The following ATF6 variants were observed in gnomAD, a reference collection of about 807,000 sequenced individuals.
The protein encoded by ATF6 is activating transcription factor 6.
Under a neutral mutation model 83.6 loss-of-function variants are expected in ATF6, and 53 were observed. That is an observed-to-expected ratio of 0.63 (90% confidence interval 0.51 to 0.80). ATF6 has a LOEUF of 0.80. ATF6 is among the 30% of genes least tolerant of loss of function. The pLI is 0.00. For missense variants in ATF6, 744 were observed against 797.9 expected (o/e 0.93, Z 0.81); for synonymous variants, 288 against 285.8 (o/e 1.01, Z -0.08).
intron 11 of ATF6, 109 bp from the exon 12 acceptor site, chr1:161,853,115 G>T: frequency 1.4e-6 from 1 of 740,056 alleles, no homozygotes. Flanking sequence ...CACTTGGAAT[G>T]CTCTTTGGAA....
At chr1:161,874,344 T>G (rs369080629) in intron 14 of ATF6, among the ~76,000 whole-genome samples, 1 of 151,634 alleles carries the variant, frequency 6.6e-6, no homozygotes, top group Non-Finnish European at 1.5e-5. Context: ...TAGTGCTTAT[T>G]TCTTGCATGG....
intron 15 of ATF6, among the ~76,000 whole-genome samples, chr1:161,955,470 G>T (rs1291190515): frequency 2.0e-5 from 3 of 152,148 alleles, no homozygotes; most frequent in African/African-American, 7.2e-5. Context: ...ATAAACAGAT[G>T]CCCAGCCACC....
At chr1:161,922,965 T>A (rs1003806792) in intron 15 of ATF6, among the ~76,000 whole-genome samples, 3 of 152,154 alleles carry the variant, frequency 2.0e-5, no homozygotes, top group Middle Eastern at 3.2e-3. Context: ...GATCACTCTA[T>A]TTTTGCACAT....
chr1:161,860,141 A>C, intron 12 of ATF6, 66 bp from the exon 13 acceptor site: 3 of 1,076,988 alleles, frequency 2.8e-6, no homozygotes, highest in East Asian at 5.1e-5. Context: ...AGAATGAACC[A>C]GTATAGGAAG....
chr1:161,775,389 C>G (rs1268136487), intron 1 of ATF6, among the ~76,000 whole-genome samples: 4 of 152,210 alleles, frequency 2.6e-5, no homozygotes, highest in African/African-American at 4.8e-5. Context: ...CAATCTATAT[C>G]AGTTACCACT....
chr1:161,806,811 T>C (rs919280804), intron 7 of ATF6, among the ~76,000 whole-genome samples: 14 of 152,072 alleles, frequency 9.2e-5, no homozygotes, highest in Non-Finnish European at 1.6e-4. Context: ...GTATTAGAAA[T>C]GGTGCGAAGG....
At chr1:161,818,129 A>C (rs887147696) in intron 7 of ATF6, among the ~76,000 whole-genome samples, 5 of 151,446 alleles carry the variant, frequency 3.3e-5, no homozygotes, top group Admixed American at 6.6e-5. Context: ...GAAATAGATT[A>C]CATTCTTTAA....
At chr1:161,793,864 T>A (rs1185038206) in intron 6 of ATF6, among the ~76,000 whole-genome samples, 1 of 152,022 alleles carries the variant, frequency 6.6e-6, no homozygotes, top group Non-Finnish European at 1.5e-5. Flanking sequence ...ACTATAGTTA[T>A]TTTTTTGTGA....
At chr1:161,840,390 C>T (rs1686326802) in intron 9 of ATF6, 1 of 152,180 alleles carries the variant, frequency 6.6e-6, no homozygotes, top group Non-Finnish European at 1.5e-5. Context: ...TGTGGCTCTC[C>T]AAGCCACAGA....
At chr1:161,854,031 A>C (rs12044770) in intron 12 of ATF6, among the ~76,000 whole-genome samples, 14,737 of 152,264 alleles carry the variant, frequency 0.097, 1,271 homozygotes, top group East Asian at 0.32. Flanking sequence ...ACACAAATAC[A>C]CTGAAAATTA....
At chr1:161,849,633 C>CT (rs975229348) in intron 10 of ATF6, among the ~76,000 whole-genome samples, 5 of 152,062 alleles carry the variant, frequency 3.3e-5, no homozygotes, top group South Asian at 2.1e-4. Flanking sequence ...TTTGTGGGCT[C>CT]TTTTTTTACC....
Position 161,791,554 on chromosome 1 carries a change from T to C in ATF6, c.484+17T>C, listed in dbSNP as rs1157619289. The C allele has an allele frequency of 6.3e-7, 1 of 1,577,350 alleles. No individual in the cohort carries two copies. Among genetic ancestry groups the C allele is most frequent in the Non-Finnish European group, 8.5e-7 (1 of 1,170,472 alleles). ...ACAAGACTGGTATTACTCTATCTCC[T>C]AACTTCTGTTATTTCTATTTCAGAT... On this transcript the variant is annotated intron_variant, in intron 5 of 15. Coordinates refer to ENST00000367942, the MANE Select transcript of ATF6 (RefSeq NM_007348.4).
chr1:161,944,203 A>C (rs1362123723), intron 15 of ATF6, among the ~76,000 whole-genome samples: 2 of 152,230 alleles, frequency 1.3e-5, no homozygotes. Flanking sequence ...ACTCAGCCAA[A>C]TAAAGTAGTT....
intron 14 of ATF6, among the ~76,000 whole-genome samples, chr1:161,909,575 T>C (rs1221722791): frequency 6.6e-6 from 1 of 152,094 alleles, no homozygotes; most frequent in South Asian, 2.1e-4. Context: ...AAATAAAAAC[T>C]TGGATTTATA....
intron 12 of ATF6, 94 bp downstream of exon 12, chr1:161,853,417 T>C: frequency 1.1e-6 from 1 of 934,524 alleles, no homozygotes; most frequent in Admixed American, 2.0e-5. Flanking sequence ...GTTGGTAAAC[T>C]TGAGCTTTAG....
Position 161,848,310 on chromosome 1 carries a change from A to G in ATF6, c.1319+1730A>G, listed in dbSNP as rs116392921. On this transcript the variant is annotated intron_variant, in intron 10 of 15. Transcript: ENST00000367942. ...GAAACATTTGAAAGCACCTAATATT[A>G]CTTTGTTCTGTGTTCTGAACTGAAT... 5.2e-3 allele frequency among the ~76,000 whole-genome samples: 795 copies of G among 152,192 alleles called. 9 individuals are homozygous for G. The highest frequency in any genetic ancestry group is 9.5e-3 in the Non-Finnish European group (647 of 67,968).
intron 14 of ATF6, among the ~76,000 whole-genome samples, chr1:161,874,887 A>G (rs1234410702): frequency 2.0e-5 from 3 of 151,790 alleles, no homozygotes; most frequent in South Asian, 2.1e-4. Flanking sequence ...CTGTCTATCT[A>G]TCCATCTCCT....
At chr1:161,895,197 A>G (rs1186979333) in intron 14 of ATF6, among the ~76,000 whole-genome samples, 4 of 152,148 alleles carry the variant, frequency 2.6e-5, no homozygotes, top group African/African-American at 4.8e-5. Context: ...AGATCATGCC[A>G]CTGCACTCCA....
intron 14 of ATF6, among the ~76,000 whole-genome samples, chr1:161,886,664 A>C (rs1687428438): frequency 6.6e-6 from 1 of 152,244 alleles, no homozygotes; most frequent in Non-Finnish European, 1.5e-5. Context: ...TCATGGGACC[A>C]CCATAGTACA....
Sources: allele counts gnomAD v4.1 joint callset (sites outside exome capture counted in the v4.1 genomes callset), GRCh38; gene constraint gnomAD v4.1.1; transcripts MANE v1.5; gene names NCBI Gene and HGNC (gene_info 2026-07-23, HGNC 2026-07-21).